Variants in PPARGC1B observed in about 807,000 individuals in gnomAD.
The protein encoded by PPARGC1B is peroxisome proliferator-activated receptor gamma coactivator 1-beta.
Under a neutral mutation model 101.6 loss-of-function variants are expected in PPARGC1B, and 34 were observed. That is an observed-to-expected ratio of 0.33 (90% CI 0.25 to 0.45). The LOEUF (loss-of-function observed/expected upper bound fraction) is 0.45, where lower values mean the gene tolerates loss of function less well. Ranked by LOEUF, PPARGC1B falls within the 20% of genes least tolerant of loss-of-function variation. The pLI is 1.00. For synonymous variants in PPARGC1B, 548 were observed against 539.3 expected (o/e 1.02, Z -0.22); for missense variants, 1,234 against 1,317.6 (o/e 0.94, Z 0.98).
intron 10 of PPARGC1B, among the ~76,000 whole-genome samples, chr5:149,844,586 C>A (rs924512729): frequency 4.6e-5 from 7 of 152,226 alleles, no homozygotes; most frequent in Non-Finnish European, 1.0e-4. Flanking sequence ...CTACAGTGAG[C>A]TGGGATTGCG....
intron 1 of PPARGC1B, among the ~76,000 whole-genome samples, chr5:149,731,300 G>A (rs532971711): frequency 6.6e-6 from 1 of 152,198 alleles, no homozygotes; most frequent in Non-Finnish European, 1.5e-5. Flanking sequence ...GCTGGGACAA[G>A]CAGCCACCAA....
At chr5:149,847,117 C>T (rs936540620) in intron 11 of PPARGC1B, 39 of 413,592 alleles carry the variant, frequency 9.4e-5, no homozygotes, top group Middle Eastern at 7.3e-4. Flanking sequence ...TGTTAGCCCT[C>T]CCTTATGTGG....
chr5:149,846,727 AGG>A (rs1759576641), intron 11 of PPARGC1B: 1 of 153,912 alleles, frequency 6.5e-6, no homozygotes, highest in Non-Finnish European at 1.4e-5. Flanking sequence ...GCTGGGTGCC[AGG>A]CCAGGCGGCC....
Position 149,836,309 on chromosome 5 carries a change from T to G in PPARGC1B, c.1854T>G (p.Asp618Glu). 1.2e-6 allele frequency: 2 copies of G among 1,610,314 alleles called. No homozygotes were observed. The highest frequency in any genetic ancestry group is 1.7e-4 in the Middle Eastern group (1 of 6,036). ...TTPPYKPTEE[D>E]PFKPDIKHSL... ...CACCGTACAAGCCCACAGAGGAGGA[T>G]CCCTTCAAACCAGACATCAAGCATA... The change falls in exon 8 of 12, where the codon GAT becomes GAG. Residue 618 changes from aspartate to glutamate, a missense_variant. By Grantham distance (45) the Asp-to-Glu change is conservative (BLOSUM62 2). This residue lies in a region of PPARGC1B where 497 missense variants were observed against 529.5 expected (regional missense o/e 0.94). Coordinates refer to ENST00000309241, the MANE Select transcript of PPARGC1B (RefSeq NM_133263.4).
chr5:149,827,617 G>A (rs1359934188), intron 3 of PPARGC1B, among the ~76,000 whole-genome samples: 1 of 152,234 alleles, frequency 6.6e-6, no homozygotes. Context: ...TCCTGGGTCT[G>A]TGGATCTGTG....
At chr5:149,781,263 T>C (rs1037725934) in intron 1 of PPARGC1B, among the ~76,000 whole-genome samples, 1 of 151,674 alleles carries the variant, frequency 6.6e-6, no homozygotes, top group African/African-American at 2.4e-5. Flanking sequence ...CTGGCCTGCC[T>C]TGGGCAGTAG....
At chr5:149,801,106 G>A (rs918802900) in intron 1 of PPARGC1B, among the ~76,000 whole-genome samples, 2 of 152,200 alleles carry the variant, frequency 1.3e-5, no homozygotes, top group African/African-American at 4.8e-5. Context: ...TGTAGGACGA[G>A]TGGGTGATAT....
Position 149,832,591 on chromosome 5 carries a change from C to T in PPARGC1B, c.583-65C>T, listed in dbSNP as rs891344035. On this transcript the variant is annotated intron_variant, in intron 4 of 11. Transcript: ENST00000309241. The surrounding 1 kb of genome is among the most constrained non-coding windows in gnomAD (Gnocchi z 4.9). ...CACAATGGGCCAGCCAGTGACCATG[C>T]GGATGAGACACATGGGAGGAGTGTT... is the stretch of plus-strand genomic sequence containing the variant. 8.9e-5 allele frequency: 116 copies of T among 1,309,906 alleles called. No individual in the cohort carries two copies. Among genetic ancestry groups the T allele is most frequent in the Middle Eastern group, 3.8e-4 (2 of 5,236 alleles). The allele number at this position is 1,309,906 out of a possible 1,614,324, so 81.1% of individuals were successfully genotyped here. A position where few individuals can be genotyped will look rare whatever the true frequency, so the allele number is the denominator to read the frequency against.
chr5:149,735,497 TCTC>T (rs1215513152), intron 1 of PPARGC1B, among the ~76,000 whole-genome samples: 2 of 152,232 alleles, frequency 1.3e-5, no homozygotes, highest in Non-Finnish European at 2.9e-5. Flanking sequence ...ATCCTTGCCT[TCTC>T]CTTCATCGTC....
chr5:149,793,948 C>T (rs938877649), intron 1 of PPARGC1B, among the ~76,000 whole-genome samples: 4 of 152,138 alleles, frequency 2.6e-5, no homozygotes, highest in East Asian at 1.9e-4. Context: ...TGGTCCTGTG[C>T]GCCAAATCCA....
At chr5:149,738,517 T>TTCCCCGCCACCCAA (rs1031519157) in intron 1 of PPARGC1B, among the ~76,000 whole-genome samples, 2 of 152,130 alleles carry the variant, frequency 1.3e-5, no homozygotes, top group Non-Finnish European at 2.9e-5. Flanking sequence ...TGGAATGTCC[T>TTCCCCGCCACCCAA]CTCCCCGCCA....
At chr5:149,760,575 G>A (rs1270202184) in intron 1 of PPARGC1B, among the ~76,000 whole-genome samples, 1 of 152,200 alleles carries the variant, frequency 6.6e-6, no homozygotes, top group Non-Finnish European at 1.5e-5. Context: ...TCAGGGGGTG[G>A]CAGCAAGTGT....
intron 1 of PPARGC1B, among the ~76,000 whole-genome samples, chr5:149,796,655 A>G (rs139658576): frequency 1.8e-3 from 267 of 152,232 alleles, no homozygotes; most frequent in African/African-American, 5.8e-3. Flanking sequence ...CAGCAGAGAG[A>G]GAGAGATGAG....
At chr5:149,830,226 T>A (rs527812252) in intron 3 of PPARGC1B, among the ~76,000 whole-genome samples, 1 of 151,884 alleles carries the variant, frequency 6.6e-6, no homozygotes, top group African/African-American at 2.4e-5. Context: ...GTCTGCCCTT[T>A]AGTATTTGTG....
At chr5:149,783,944 A>G (rs902583674) in intron 1 of PPARGC1B, among the ~76,000 whole-genome samples, 1 of 151,962 alleles carries the variant, frequency 6.6e-6, no homozygotes, top group Admixed American at 6.5e-5. Flanking sequence ...CTCTGCACAC[A>G]CATGTGTGCA....
chr5:149,830,335 A>G (rs1486143169), intron 3 of PPARGC1B, among the ~76,000 whole-genome samples: 2 of 152,054 alleles, frequency 1.3e-5, no homozygotes, highest in Non-Finnish European at 2.9e-5. Context: ...GAAAGAACAA[A>G]GGGGAAATCA....
At chr5:149,811,177 A>G (rs1307925927) in intron 1 of PPARGC1B, among the ~76,000 whole-genome samples, 1 of 152,206 alleles carries the variant, frequency 6.6e-6, no homozygotes, top group African/African-American at 2.4e-5. Context: ...TGAAACCGCA[A>G]GTCATCTTCC....
At chr5:149,788,747 T>TAA in intron 1 of PPARGC1B, among the ~76,000 whole-genome samples, 1 of 152,088 alleles carries the variant, frequency 6.6e-6, no homozygotes, top group Non-Finnish European at 1.5e-5. Flanking sequence ...TATGCAGCCA[T>TAA]AAAAAAGGAT....
At position 149,832,906 on chromosome 5, in the gene PPARGC1B, C is replaced by T. The variant is rs750273250; in HGVS notation, c.833C>T (p.Pro278Leu). The change falls in exon 5 of 12, where the codon CCG (proline) becomes CTG (leucine). Residue 278 changes from proline (P) to leucine (L), a missense_variant. By Grantham distance (98) the Pro-to-Leu change is moderately conservative. Around this residue, in one of 3 missense-constraint regions of PPARGC1B, gnomAD observed 734 missense variants for 768.4 expected, o/e 0.96. Coordinates refer to ENST00000309241, the MANE Select transcript of PPARGC1B (RefSeq NM_133263.4). This position sits in a 1 kb window ranked among gnomAD's most constrained non-coding sequence, Gnocchi z 4.9. ...LALGRADPGAPVSQEDMQAMV... is the reference protein window; with the variant it reads ...LALGRADPGALVSQEDMQAMV... ...CTGGGCAGGGCAGACCCCGGTGCCC[C>T]GGTTTCCCAGGAAGACATGCAGGCG... The T allele has an allele frequency of 1.7e-5, 28 of 1,613,106 alleles. No homozygotes were observed. The highest frequency in any genetic ancestry group is 2.7e-5 in the African/African-American group (2 of 75,044).
Sources: gnomAD v4.1 joint callset for allele counts (sites outside exome capture counted in the v4.1 genomes callset) on GRCh38, gnomAD v4.1.1 for gene constraint, gnomAD v4.1.1 regional missense constraint, Gnocchi (gnomAD v3.1) non-coding constraint, MANE v1.5 for transcripts, NCBI Gene and HGNC (gene_info 2026-07-23, HGNC 2026-07-21) for gene names.